ATP2A2: variants seen among roughly 807,000 people sequenced by gnomAD.
ATP2A2 encodes the protein ATPase sarcoplasmic/endoplasmic reticulum Ca2+ transporting 2.
Under a neutral mutation model 109.3 loss-of-function variants are expected in ATP2A2, and 14 were observed. That is an observed-to-expected ratio of 0.13 (90% CI 0.08 to 0.20). The LOEUF is 0.20. ATP2A2 is among the 10% of genes least tolerant of loss of function. The pLI is 1.00. For synonymous variants in ATP2A2, 506 were observed against 490.9 expected, an observed-to-expected ratio of 1.03 and a Z score of -0.41; for missense variants, 657 against 1,321.6, an observed-to-expected ratio of 0.50 and a Z score of 7.80.
Position 110,340,873 on chromosome 12 carries a change from A to G in ATP2A2, c.1976A>G (p.Glu659Gly), listed in dbSNP as rs762893259. 6.2e-7 allele frequency: 1 copy of G among 1,614,192 alleles called. No homozygotes were observed. Among genetic ancestry groups the G allele is most frequent in the Admixed American group, 1.7e-5 (1 of 60,026 alleles). ...SKAFTGREFD[E>G]LNPSAQRDAC... ...GCTTTCACAGGCCGGGAGTTTGATGAACTCAACCCCTCCGCCCAGCGAGAC... is the reference window on the plus strand; with the variant it reads ...GCTTTCACAGGCCGGGAGTTTGATGGACTCAACCCCTCCGCCCAGCGAGAC... The change falls in exon 14 of 20, where the codon GAA (glutamate) becomes GGA (glycine). Residue 659 changes from glutamate to glycine, a missense_variant. Physicochemically the swap from Glu to Gly is moderately conservative, Grantham distance 98 (BLOSUM62 -2). This residue lies in a region of ATP2A2 where 180 missense variants were observed against 329.1 expected (regional missense o/e 0.55). Coordinates refer to ENST00000539276, the MANE Select transcript of ATP2A2 (RefSeq NM_170665.4). This position sits in a 1 kb window ranked among gnomAD's most constrained non-coding sequence, Gnocchi z 6.0.
At position 110,348,133 on chromosome 12, in the gene ATP2A2, A is replaced by G; in HGVS notation, c.*1663A>G. ...GACTATTGCTAAAATGAGGGTTCGC[A>G]GCTGCCAGGAGTCATCCCAGAACAT... On this transcript the variant is annotated 3_prime_UTR_variant, in exon 20 of 20. Coordinates refer to ENST00000539276, the MANE Select transcript of ATP2A2 (RefSeq NM_170665.4). 1 of 985,554 alleles carries G rather than the reference A, an allele frequency of 1.0e-6. No individual in the cohort carries two copies. Among genetic ancestry groups the G allele is most frequent in the African/African-American group, 1.7e-5 (1 of 57,380 alleles). The allele number at this position is 985,554 out of a possible 1,614,324, so 61.1% of individuals were successfully genotyped here.
At position 110,350,666 on chromosome 12, in the gene ATP2A2, G is replaced by A. The variant is rs1880312588; in HGVS notation, c.*4196G>A. On this transcript the variant is annotated 3_prime_UTR_variant, in exon 20 of 20. Coordinates refer to ENST00000539276, the MANE Select transcript of ATP2A2 (RefSeq NM_170665.4). ...ATGTCATAGCTTATATAAATGTACA[G>A]TATTCAATTGTAATGCATGCCTTCG... 3.0e-6 allele frequency: 1 copy of A among 333,102 alleles called. No individual in the cohort carries two copies. The allele number at this position is 333,102 out of a possible 1,614,324, so 20.6% of individuals were successfully genotyped here.
At chr12:110,285,902 C>G (rs562443509) in intron 3 of ATP2A2, among the ~76,000 whole-genome samples, 1 of 150,432 alleles carries the variant, frequency 6.6e-6, no homozygotes, top group East Asian at 1.9e-4. Flanking sequence ...TACTAGACCC[C>G]CTTGAGTTAG....
chr12:110,340,552 G>GA lies in ATP2A2; in HGVS notation c.1762-99dup, dbSNP rs1013291744. The GA allele has an allele frequency of 4.8e-5, 55 of 1,139,464 alleles. No individual in the cohort carries two copies. The highest frequency in any genetic ancestry group is 5.1e-4 in the Middle Eastern group (2 of 3,958). The allele number at this position is 1,139,464 out of a possible 1,614,324, so 70.6% of individuals were successfully genotyped here. Reference sequence around the variant, plus strand: ...AAACTCCGCCTCAAAAAAAAAAAAAGAAAAAAAATGCAGAAACCTGTCTCA... The same window carrying GA: ...AAACTCCGCCTCAAAAAAAAAAAAAGAAAAAAAAATGCAGAAACCTGTCTCA... On this transcript the variant is annotated intron_variant, in intron 13 of 19. Coordinates refer to ENST00000539276, the MANE Select transcript of ATP2A2 (RefSeq NM_170665.4). The surrounding 1 kb of genome is among the most constrained non-coding windows in gnomAD (Gnocchi z 6.0).
chr12:110,346,566 A>G lies in ATP2A2; in HGVS notation c.*96A>G. 2.6e-6 allele frequency: 4 copies of G among 1,563,680 alleles called. No homozygotes were observed. The highest frequency in any genetic ancestry group is 3.5e-6 in the Non-Finnish European group (4 of 1,159,034). ...ATTTCTGCTGAATTTTCACATGAAC[A>G]TACTGGCTGGTGATGGAGGTTTCAT... On this transcript the variant is annotated 3_prime_UTR_variant, in exon 20 of 20. Transcript: ENST00000539276.
chr12:110,287,180 G>C (rs991859174), intron 3 of ATP2A2, among the ~76,000 whole-genome samples: 3 of 152,126 alleles, frequency 2.0e-5, no homozygotes, highest in African/African-American at 7.2e-5. Context: ...TTGAACCCGG[G>C]AGGCGGATGT....
intron 2 of ATP2A2, 43 bp downstream of exon 2, chr12:110,282,664 G>GTGC (rs1566195789): frequency 6.2e-7 from 1 of 1,613,548 alleles, no homozygotes; most frequent in South Asian, 1.1e-5. Flanking sequence ...CTCTGTTGGT[G>GTGC]TGCTGATGGT....
At position 110,343,297 on chromosome 12, in the gene ATP2A2, A is replaced by G. The variant is rs1057520789; in HGVS notation, c.2384A>G (p.Asn795Ser). The G allele has an allele frequency of 6.2e-7, 1 of 1,614,132 alleles. No homozygotes were observed. The highest frequency in any genetic ancestry group is 8.5e-7 in the Non-Finnish European group (1 of 1,180,046). ...ALIPVQLLWV[N>S]LVTDGLPATA... ...ATTCCTGTTCAGCTGCTCTGGGTCA[A>G]TCTGGTGACAGATGGCCTGCCTGCC... Residue 795 changes from asparagine (N) to serine (S), a missense_variant, in exon 16 of 20, where the codon AAT (asparagine) becomes AGT (serine). This residue lies in a region of ATP2A2 where 50 missense variants were observed against 176.9 expected (regional missense o/e 0.28). Transcript: ENST00000539276.
At chr12:110,297,870 G>A (rs181733934) in intron 5 of ATP2A2, among the ~76,000 whole-genome samples, 199 of 152,064 alleles carry the variant, frequency 1.3e-3, no homozygotes, top group African/African-American at 4.6e-3. Context: ...CTGCCTTAGC[G>A]TCCCAAAGTG....
At chr12:110,324,347 A>T (rs1007738338) in intron 6 of ATP2A2, among the ~76,000 whole-genome samples, 1 of 152,184 alleles carries the variant, frequency 6.6e-6, no homozygotes, top group African/African-American at 2.4e-5. Context: ...TTAAGCCATA[A>T]AATGTTGGAG....
intron 3 of ATP2A2, among the ~76,000 whole-genome samples, chr12:110,288,438 CTT>C (rs1872897980): frequency 2.0e-5 from 3 of 149,804 alleles, no homozygotes; most frequent in African/African-American, 4.9e-5. Flanking sequence ...GAGTTTTGCT[CTT>C]GTCAGCCAGG....
intron 11 of ATP2A2, among the ~76,000 whole-genome samples, chr12:110,334,572 C>G (rs1206281604): frequency 6.7e-6 from 1 of 149,476 alleles, no homozygotes; most frequent in Non-Finnish European, 1.5e-5. Flanking sequence ...CTTTCTTTTC[C>G]TGTTCAATTA....
Position 110,323,076 on chromosome 12 carries a change from AATATG to A in ATP2A2, c.544+9_544+13del. The A allele has an allele frequency of 1.3e-6, 2 of 1,593,624 alleles. No homozygotes were observed. Among genetic ancestry groups the A allele is most frequent in the Non-Finnish European group, 1.7e-6 (2 of 1,161,340 alleles). ...GTTGACCAGTCAATTCTCACAGGTA[AATATG>A]ATATATTAAGTCATTGAATTTCTGA... is the stretch of plus-strand genomic sequence containing the variant. On this transcript the variant is annotated splice_donor_5th_base_variant and intron_variant, in intron 6 of 19. Transcript: ENST00000539276.
At chr12:110,314,888 A>ATGGAGTCTCGCTC (rs1876494612) in intron 5 of ATP2A2, among the ~76,000 whole-genome samples, 5 of 150,196 alleles carry the variant, frequency 3.3e-5, no homozygotes, top group Non-Finnish European at 7.4e-5. Context: ...TTTTTTGGAA[A>ATGGAGTCTCGCTC]TGGAGTCTCG....
At position 110,339,500 on chromosome 12, in the gene ATP2A2, C is replaced by T. The variant is rs748978310; in HGVS notation, c.1543-3C>T. ...TGTTTATCTAAATCTGTAACATTTC[C>T]AGGGTGCTCCTGAAGGTGTCATTGA... On this transcript the variant is annotated splice_region_variant and splice_polypyrimidine_tract_variant and intron_variant, in intron 12 of 19. Transcript: ENST00000539276. This position sits in a 1 kb window ranked among gnomAD's most constrained non-coding sequence, Gnocchi z 4.4. 1.1e-5 allele frequency: 18 copies of T among 1,613,840 alleles called. No individual in the cohort carries two copies. The highest frequency in any genetic ancestry group is 3.3e-5 in the Admixed American group (2 of 59,950).
rs1266938956 is a variant in ATP2A2, at chr12:110,324,851, C to CA, written c.545-1538dup. On this transcript the variant is annotated intron_variant, in intron 6 of 19. Transcript: ENST00000539276. ...ATCTTTTTTTTTTTTTTTTTAAAGA[C>CA]AGAGTTGCACTCTGTGGCCCAGTGG... Among the ~76,000 whole-genome samples, 16 of 143,492 alleles carry CA rather than the reference C, an allele frequency of 1.1e-4. 1 individual carries two copies. Among genetic ancestry groups the CA allele is most frequent in the African/African-American group, 3.9e-4 (15 of 38,532 alleles). The allele number at this position is 143,492 out of a possible 152,430, so 94.1% of individuals were successfully genotyped here. A position where few individuals can be genotyped will look rare whatever the true frequency, so the allele number is the denominator to read the frequency against.
Position 110,343,201 on chromosome 12 carries a change from CTCTT to C in ATP2A2, c.2319-29_2319-26del, listed in dbSNP as rs1305252741. The C allele has an allele frequency of 2.6e-5, 42 of 1,609,186 alleles. No individual in the cohort carries two copies. The East Asian group carries it at 7.1e-4, about 27-fold the overall frequency. On this transcript the variant is annotated intron_variant, in intron 15 of 19. Coordinates refer to ENST00000539276, the MANE Select transcript of ATP2A2 (RefSeq NM_170665.4). ...ATAGTGGCCAGAAGTCATTTGGGCT[CTCTT>C]TGTCTTCTTTTCTTGATTGGAAACA... is the stretch of plus-strand genomic sequence containing the variant.
At chr12:110,344,290 G>A (rs893054332) in intron 16 of ATP2A2, among the ~76,000 whole-genome samples, 2 of 152,136 alleles carry the variant, frequency 1.3e-5, no homozygotes, top group Non-Finnish European at 2.9e-5. Flanking sequence ...TGAACTCTGT[G>A]TATTCTCTGC....
At position 110,349,484 on chromosome 12, in the gene ATP2A2, T is replaced by C. The variant is rs1456980832; in HGVS notation, c.*3014T>C. Reference sequence around the variant, plus strand: ...ACATACCCTAACTGGGACACCACTCTGCAGAATGCAGATGATCCATTCTGG... The same window carrying C: ...ACATACCCTAACTGGGACACCACTCCGCAGAATGCAGATGATCCATTCTGG... On this transcript the variant is annotated 3_prime_UTR_variant, in exon 20 of 20. Coordinates refer to ENST00000539276, the MANE Select transcript of ATP2A2 (RefSeq NM_170665.4). 5 of 985,484 alleles carry C rather than the reference T, an allele frequency of 5.1e-6. No homozygotes were observed. The highest frequency in any genetic ancestry group is 3.5e-5 in the African/African-American group (2 of 57,232). The allele number at this position is 985,484 out of a possible 1,614,324, so 61.0% of individuals were successfully genotyped here. A position where few individuals can be genotyped will look rare whatever the true frequency, so the allele number is the denominator to read the frequency against.
Sources: gnomAD v4.1 joint callset for allele counts (sites outside exome capture counted in the v4.1 genomes callset) on GRCh38, gnomAD v4.1.1 for gene constraint, gnomAD v4.1.1 regional missense constraint, Gnocchi (gnomAD v3.1) non-coding constraint, MANE v1.5 for transcripts, NCBI Gene and HGNC (gene_info 2026-07-23, HGNC 2026-07-21) for gene names.